Variants in RBM47 observed in about 807,000 individuals in gnomAD.
RBM47 encodes the protein RNA binding motif protein 47.
In RBM47, 21 loss-of-function variants were observed where a neutral mutation model predicts 47.1. The observed-to-expected ratio is 0.45, with a 90% confidence interval of 0.32 to 0.64. RBM47 has a LOEUF of 0.64. Among genes scored for constraint, RBM47 ranks in the 30% least tolerant of loss-of-function variants. The pLI is 0.05. For missense variants in RBM47, 708 were observed against 870.9 expected (o/e 0.81, Z 2.35); for synonymous variants, 375 against 361.7 (o/e 1.04, Z -0.42).
intron 2 of RBM47, among the ~76,000 whole-genome samples, chr4:40,476,275 A>T (rs1719598099): frequency 6.6e-6 from 1 of 152,132 alleles, no homozygotes; most frequent in African/African-American, 2.4e-5. Context: ...TAGAAATGTT[A>T]TATTTTTAGC....
At position 40,478,736 on chromosome 4, in the gene RBM47, C is replaced by A. The variant is rs187414571; in HGVS notation, c.-154-12037G>T. 2.9e-3 allele frequency among the ~76,000 whole-genome samples: 447 copies of A among 152,308 alleles called. 4 individuals are homozygous for A. Among genetic ancestry groups the A allele is most frequent in the African/African-American group, 9.9e-3 (410 of 41,564 alleles). ...ATGCTAGGCTCAAGTGATCTGCCTG[C>A]CTTGGCCTCTCAAAATGCTGAGATT... On this transcript the variant is annotated intron_variant, in intron 2 of 6. Coordinates refer to ENST00000295971, the MANE Select transcript of RBM47 (RefSeq NM_001098634.2).
At chr4:40,532,591 G>GTGAGCCACCATGCC (rs1157496878) in intron 2 of RBM47, among the ~76,000 whole-genome samples, 9 of 151,714 alleles carry the variant, frequency 5.9e-5, no homozygotes, top group Non-Finnish European at 1.2e-4. Flanking sequence ...GATTACAGGC[G>GTGAGCCACCATGCC]TGAGCCACCA....
intron 1 of RBM47, among the ~76,000 whole-genome samples, chr4:40,587,571 C>T (rs6848822): frequency 1.3e-5 from 2 of 152,184 alleles, no homozygotes; most frequent in Admixed American, 1.3e-4. Context: ...GCATGTTTTG[C>T]AGTTTAACTT....
intron 1 of RBM47, among the ~76,000 whole-genome samples, chr4:40,552,200 C>T (rs1385366835): frequency 6.6e-6 from 1 of 151,774 alleles, no homozygotes; most frequent in African/African-American, 2.4e-5. Flanking sequence ...AGATGGAGAC[C>T]ACCCTGGCTA....
At chr4:40,504,218 T>C (rs1723776170) in intron 2 of RBM47, among the ~76,000 whole-genome samples, 1 of 151,974 alleles carries the variant, frequency 6.6e-6, no homozygotes. Flanking sequence ...CCTATTTGTG[T>C]GGCCACCAGG....
chr4:40,469,490 G>C (rs1413474892), intron 2 of RBM47, among the ~76,000 whole-genome samples: 3 of 147,052 alleles, frequency 2.0e-5, no homozygotes, highest in Non-Finnish European at 4.4e-5. Context: ...CTGGAGTGCA[G>C]TAGCCTGATC....
chr4:40,588,742 C>G (rs1733833059), intron 1 of RBM47, among the ~76,000 whole-genome samples: 2 of 151,928 alleles, frequency 1.3e-5, no homozygotes, highest in Admixed American at 1.3e-4. Context: ...AATGAAGACT[C>G]CAAAAAGAGA....
At chr4:40,514,127 G>C (rs1325150266) in intron 2 of RBM47, among the ~76,000 whole-genome samples, 1 of 152,090 alleles carries the variant, frequency 6.6e-6, no homozygotes, top group African/African-American at 2.4e-5. Context: ...CCACCATTTA[G>C]CAAAACCTTT....
intron 2 of RBM47, among the ~76,000 whole-genome samples, chr4:40,515,427 C>T (rs568398215): frequency 1.8e-4 from 27 of 152,254 alleles, no homozygotes; most frequent in African/African-American, 4.8e-4. Context: ...CAAGCCCACT[C>T]GCTAAAAAGA....
At chr4:40,577,160 T>A (rs1316522480) in intron 1 of RBM47, among the ~76,000 whole-genome samples, 1 of 152,218 alleles carries the variant, frequency 6.6e-6, no homozygotes, top group African/African-American at 2.4e-5. Flanking sequence ...TGACTGTTCT[T>A]AGTTCCTTAT....
At chr4:40,622,637 T>A (rs1737368522) in intron 1 of RBM47, among the ~76,000 whole-genome samples, 1 of 152,170 alleles carries the variant, frequency 6.6e-6, no homozygotes, top group South Asian at 2.1e-4. Context: ...ATCCCAGCAC[T>A]TTAGGAGGCC....
intron 3 of RBM47, among the ~76,000 whole-genome samples, chr4:40,446,017 G>A: frequency 6.6e-6 from 1 of 152,214 alleles, no homozygotes; most frequent in East Asian, 1.9e-4. Context: ...ATAAATGCAA[G>A]TCTCTAGAGT....
intron 3 of RBM47, chr4:40,455,336 C>T (rs1009438696): frequency 3.9e-5 from 6 of 152,228 alleles, no homozygotes; most frequent in Admixed American, 1.3e-4. Flanking sequence ...CAGACTGCCT[C>T]GCTTCCTATC....
In RBM47 at chr4:40,529,545, C is replaced by T. The variant is rs181913308; in HGVS notation, c.-155+14877G>A. On this transcript the variant is annotated intron_variant, in intron 2 of 6. Coordinates refer to ENST00000295971, the MANE Select transcript of RBM47 (RefSeq NM_001098634.2). ...AAAAAAAAAAAAAAAAAAAAAAAAG[C>T]ATCTAAGGCGGGGCATGGTGGCTCA... 5.4e-3 allele frequency among the ~76,000 whole-genome samples: 383 copies of T among 70,746 alleles called. 4 individuals are homozygous for T. Among genetic ancestry groups the T allele is most frequent in the African/African-American group, 0.02 (334 of 16,442 alleles). The allele number at this position is 70,746 out of a possible 152,430, so 46.4% of individuals were successfully genotyped here.
chr4:40,437,245 C>T (rs1489104374), intron 4 of RBM47, among the ~76,000 whole-genome samples: 8 of 147,372 alleles, frequency 5.4e-5, no homozygotes, highest in African/African-American at 1.5e-4. Context: ...GTCCACCTTC[C>T]TCATTTCATG....
At chr4:40,524,057 A>T (rs1726471331) in intron 2 of RBM47, among the ~76,000 whole-genome samples, 1 of 152,176 alleles carries the variant, frequency 6.6e-6, no homozygotes, top group African/African-American at 2.4e-5. Flanking sequence ...CAGCCAATTG[A>T]GTGCCCTGTA....
At position 40,425,103 on chromosome 4, in the gene RBM47, G is replaced by T. The variant is rs1385018507; in HGVS notation, c.*801C>A. Reference sequence around the variant, plus strand: ...TCCTAGGCTTGCCAAACATTGCGGTGGGATTGGGAATCTGGGGAGGAGGGG... The same window carrying T: ...TCCTAGGCTTGCCAAACATTGCGGTTGGATTGGGAATCTGGGGAGGAGGGG... On this transcript the variant is annotated 3_prime_UTR_variant, in exon 7 of 7. Transcript: ENST00000295971. 1 of 152,562 alleles carries T rather than the reference G, an allele frequency of 6.6e-6. No homozygotes were observed. Among genetic ancestry groups the T allele is most frequent in the South Asian group, 2.1e-4 (1 of 4,824 alleles). The allele number at this position is 152,562 out of a possible 1,614,324, so 9.5% of individuals were successfully genotyped here.
intron 1 of RBM47, among the ~76,000 whole-genome samples, chr4:40,572,160 A>G (rs899473618): frequency 6.6e-6 from 1 of 151,010 alleles, no homozygotes; most frequent in Non-Finnish European, 1.5e-5. Flanking sequence ...AGGCGGGTGG[A>G]TAACCTGAGG....
chr4:40,505,890 AAAAACAAAAC>A (rs140844726), intron 2 of RBM47, among the ~76,000 whole-genome samples: 6 of 149,840 alleles, frequency 4.0e-5, no homozygotes, highest in Non-Finnish European at 5.9e-5. Context: ...CTGTCTCAAA[AAAAACAAAAC>A]AAAACAAAAC....
Sources: allele counts gnomAD v4.1 joint callset (sites outside exome capture counted in the v4.1 genomes callset), GRCh38; gene constraint gnomAD v4.1.1; transcripts MANE v1.5; gene names NCBI Gene and HGNC (gene_info 2026-07-23, HGNC 2026-07-21).